The following CDYL variants were observed in gnomAD, a reference collection of about 807,000 sequenced individuals.
The protein encoded by CDYL is chromodomain Y like.
CDYL carries 8 observed loss-of-function variants against 47.3 expected under a neutral mutation model. The ratio of observed to expected loss-of-function variants is 0.17; its 90% confidence interval spans 0.10 to 0.31. The LOEUF is 0.31. Among genes scored for constraint, CDYL ranks in the 10% least tolerant of loss-of-function variants. CDYL has a pLI of 1.00. For synonymous variants in CDYL, 266 were observed against 265.0 expected (o/e 1.00, Z -0.04); for missense variants, 471 against 701.4 (o/e 0.67, Z 3.71).
intron 2 of CDYL, among the ~76,000 whole-genome samples, chr6:4,913,997 G>A (rs57134512): frequency 0.023 from 3,460 of 152,246 alleles, 143 homozygotes; most frequent in African/African-American, 0.079. Flanking sequence ...AGTCATAGAG[G>A]ACTGACTGCT....
chr6:4,725,296 G>A lies in CDYL; in HGVS notation c.103+9415G>A, dbSNP rs538487327. ...TGGATCCCGCACCGAGGGTGCAGGT[G>A]GAGCTGCCTGCCAGTCCTGCGCCTG... On this transcript the variant is annotated intron_variant, in intron 2 of 8. Coordinates refer to the CDYL transcript ENST00000328908. Among the ~76,000 whole-genome samples, 49 of 152,392 alleles carry A rather than the reference G, an allele frequency of 3.2e-4. No homozygotes were observed. In the South Asian group the frequency reaches 9.7e-3, roughly 30 times the overall value.
chr6:4,907,862 G>A (rs1414196787), intron 2 of CDYL, among the ~76,000 whole-genome samples: 2 of 152,112 alleles, frequency 1.3e-5, no homozygotes, highest in Non-Finnish European at 2.9e-5. Flanking sequence ...AGAACATGGT[G>A]TGTTCAGTTA....
At chr6:4,894,876 T>C (rs13203657) in intron 2 of CDYL, among the ~76,000 whole-genome samples, 176 of 3,232 alleles carry the variant, frequency 0.054, 1 homozygote, top group Admixed American at 0.072. Context: ...TATACACACA[T>C]GTGTATGTGT....
chr6:4,917,338 G>A (rs567801056), intron 2 of CDYL, among the ~76,000 whole-genome samples: 14 of 152,276 alleles, frequency 9.2e-5, no homozygotes, highest in Admixed American at 7.8e-4. Context: ...CCAGAACTGA[G>A]TATGTGGCTT....
chr6:4,776,987 C>G (rs1758477441), intron 1 of CDYL, among the ~76,000 whole-genome samples, 180 bp downstream of exon 1: 1 of 150,124 alleles, frequency 6.7e-6, no homozygotes, highest in Non-Finnish European at 1.5e-5. Flanking sequence ...TCCGAGGGGC[C>G]CCGGCCGGGG....
At chr6:4,884,927 A>G (rs1466015240) in intron 1 of CDYL, among the ~76,000 whole-genome samples, 1 of 152,170 alleles carries the variant, frequency 6.6e-6, no homozygotes, top group Non-Finnish European at 1.5e-5. Context: ...TTCACTTTCC[A>G]CAGTTTCAGT....
In CDYL at chr6:4,845,141, G is replaced by A. The variant is rs140899258; in HGVS notation, c.25-46572G>A. 3.9e-5 allele frequency among the ~76,000 whole-genome samples: 6 copies of A among 152,250 alleles called. No individual in the cohort carries two copies. The East Asian group carries it at 1.2e-3, about 29-fold the overall frequency. On this transcript the variant is annotated intron_variant, in intron 1 of 6. Transcript: ENST00000397588. ...GATATTTTTAGAGGTTAATTTCACT[G>A]CATGCTTACTTGCAAACTTTGATTT...
intron 1 of CDYL, among the ~76,000 whole-genome samples, chr6:4,706,519 A>G (rs915742938): frequency 1.3e-5 from 2 of 151,960 alleles, no homozygotes; most frequent in African/African-American, 4.8e-5. Flanking sequence ...TAGGCCGGGT[A>G]TGGTGGCTCA....
intron 2 of CDYL, among the ~76,000 whole-genome samples, chr6:4,725,651 G>C (rs1235784585): frequency 6.6e-6 from 1 of 152,236 alleles, no homozygotes; most frequent in African/African-American, 2.4e-5. Context: ...TGGCCTGCAA[G>C]CACCGCGCAC....
intron 2 of CDYL, among the ~76,000 whole-genome samples, chr6:4,925,409 CTTTTT>C (rs58457972): frequency 1.8e-5 from 2 of 109,246 alleles, no homozygotes; most frequent in Non-Finnish European, 3.5e-5. Flanking sequence ...ATTCTTTTTT[CTTTTT>C]TTTTTTTTTT....
chr6:4,779,525 A>G (rs536356937), intron 1 of CDYL, among the ~76,000 whole-genome samples: 7 of 152,332 alleles, frequency 4.6e-5, no homozygotes, highest in African/African-American at 1.7e-4. Flanking sequence ...TTAAATGGCT[A>G]TTGAAACTAG....
rs551890177 is a variant in CDYL at position 4,847,242 on chromosome 6, T to C, written c.25-44471T>C. 3.3e-5 allele frequency among the ~76,000 whole-genome samples: 5 copies of C among 152,316 alleles called. No individual in the cohort carries two copies. The East Asian group carries it at 5.8e-4, about 18-fold the overall frequency. ...TTGGGAAAGCCCTGGTGCATCAAAG[T>C]TGAGTCTCTGTGCATCTCATTACTT... On this transcript the variant is annotated intron_variant, in intron 1 of 6. Transcript: ENST00000397588.
At chr6:4,733,558 A>C (rs1757647673) in intron 2 of CDYL, among the ~76,000 whole-genome samples, 1 of 152,196 alleles carries the variant, frequency 6.6e-6, no homozygotes, top group Non-Finnish European at 1.5e-5. Context: ...TCTGGCTCCA[A>C]ATCTCCAAAC....
At chr6:4,902,262 C>T (rs775169840) in intron 2 of CDYL, among the ~76,000 whole-genome samples, 2 of 151,856 alleles carry the variant, frequency 1.3e-5, no homozygotes, top group South Asian at 4.2e-4. Flanking sequence ...CAAAATTAGC[C>T]GGGCGTGGTG....
intron 1 of CDYL, among the ~76,000 whole-genome samples, chr6:4,863,842 A>G (rs1459616218): frequency 2.0e-5 from 3 of 152,218 alleles, no homozygotes; most frequent in Admixed American, 2.0e-4. Flanking sequence ...GGGACCCAAG[A>G]CCTTGTCTCA....
chr6:4,735,811 C>T (rs2127415381), intron 3 of CDYL, among the ~76,000 whole-genome samples: 1 of 152,240 alleles, frequency 6.6e-6, no homozygotes, highest in Non-Finnish European at 1.5e-5. Flanking sequence ...CGTGCACCCC[C>T]ATGAAACTAT....
chr6:4,852,046 T>G (rs778936090), intron 1 of CDYL, among the ~76,000 whole-genome samples: 16 of 152,222 alleles, frequency 1.1e-4, no homozygotes, highest in Admixed American at 1.0e-3. Context: ...CTTGCTCTTC[T>G]GTAAAGCGAT....
chr6:4,855,024 G>A (rs1037436582), intron 1 of CDYL, among the ~76,000 whole-genome samples: 6 of 152,244 alleles, frequency 3.9e-5, no homozygotes, highest in South Asian at 4.1e-4. Flanking sequence ...ATCAAGTGTT[G>A]GAATTCTAGA....
chr6:4,776,911 C>G, intron 1 of CDYL, 104 bp downstream of exon 1: 1 of 375,330 alleles, frequency 2.7e-6, no homozygotes, highest in Non-Finnish European at 3.7e-6. Flanking sequence ...CCGCCGCGTC[C>G]CCTCCCCCGC....
Sources: gnomAD v4.1 joint callset for allele counts (sites outside exome capture counted in the v4.1 genomes callset) on GRCh38, gnomAD v4.1.1 for gene constraint, MANE v1.5 for transcripts, NCBI Gene and HGNC (gene_info 2026-07-23, HGNC 2026-07-21) for gene names.